Variants in RNF126 observed in about 807,000 individuals in gnomAD.
RNF126 encodes ring finger protein 126.
RNF126 carries 20 observed loss-of-function variants against 41.9 expected under a neutral mutation model. The observed-to-expected ratio is 0.48, with a 90% CI of 0.34 to 0.69. The LOEUF (loss-of-function observed/expected upper bound fraction) is 0.69. Ranked by LOEUF, RNF126 falls within the 30% of genes least tolerant of loss-of-function variation. RNF126 has a pLI of 0.01. For synonymous variants in RNF126, 239 were observed against 202.9 expected (o/e 1.18, Z -1.51); for missense variants, 433 against 460.6 (o/e 0.94, Z 0.55).
chr19:656,305 G>A (rs1457477788), intron 1 of RNF126, among the ~76,000 whole-genome samples: 1 of 151,908 alleles, frequency 6.6e-6, no homozygotes, highest in African/African-American at 2.4e-5. Flanking sequence ...AGCCAAGATT[G>A]CAGCAACAGA....
At position 651,564 on chromosome 19, in the gene RNF126, G is replaced by T. The variant is rs571807936; in HGVS notation, c.443+47C>A. The T allele has an allele frequency of 2.3e-5, 32 of 1,380,232 alleles. No individual in the cohort carries two copies. In the African/African-American group the frequency reaches 4.1e-4, roughly 18 times the overall value. The allele number at this position is 1,380,232 out of a possible 1,614,324, so 85.5% of individuals were successfully genotyped here. A position where few individuals can be genotyped will look rare whatever the true frequency, so the allele number is the denominator to read the frequency against. ...CTGGATTCTAAGCGCCAGAACTTCC[G>T]ACCTCAAGGCGTGGGGCCCTCGCGG... On this transcript the variant is annotated intron_variant, in intron 4 of 8. Transcript: ENST00000292363.
intron 1 of RNF126, among the ~76,000 whole-genome samples, chr19:656,639 C>T (rs1600639474): frequency 6.6e-6 from 1 of 152,000 alleles, no homozygotes; most frequent in African/African-American, 2.4e-5. Flanking sequence ...CAGAGTGAGA[C>T]CGTGTCAGAA....
chr19:661,446 G>A (rs2030798148), intron 1 of RNF126: 1 of 152,294 alleles, frequency 6.6e-6, no homozygotes, highest in Non-Finnish European at 1.5e-5. Context: ...ACCCCTGGGA[G>A]ACAGAGGAGT....
rs367985115 is a variant in RNF126 at position 648,840 on chromosome 19, G to A, written c.670+42C>T. The A allele has an allele frequency of 2.0e-4, 242 of 1,189,412 alleles. 1 individual carries two copies. The highest frequency in any genetic ancestry group is 2.7e-4 in the Non-Finnish European group (231 of 865,352). The allele number at this position is 1,189,412 out of a possible 1,614,324, so 73.7% of individuals were successfully genotyped here. ...AAGTATGAGCCAGGCGTGGCGGCGG[G>A]TGCCTGTAATTCCCACTACTCGGGA... On this transcript the variant is annotated intron_variant, in intron 7 of 8. Transcript: ENST00000292363.
rs2285751 is a variant in RNF126, at chr19:651,852, C to G, written c.202G>C (p.Val68Leu). 6.2e-7 allele frequency: 1 copy of G among 1,606,330 alleles called. No individual in the cohort carries two copies. The highest frequency in any genetic ancestry group is 1.7e-5 in the Admixed American group (1 of 59,754). ...GGCAGCGTGAACAGGTGCTGGTCCA[C>G]GTGCTGGGGAGAGGAGGGGGGCGTG... is the stretch of plus-strand genomic sequence containing the variant. ...TDQSRPPLEH[V>L]DQHLFTLPQG... Residue 68 changes from valine to leucine, a missense_variant, in exon 4 of 9, where the codon GTG (valine) becomes CTG (leucine). Coordinates refer to ENST00000292363, the MANE Select transcript of RNF126 (RefSeq NM_194460.3).
chr19:653,079 C>T (rs1219375940), intron 1 of RNF126, among the ~76,000 whole-genome samples, 195 bp from the exon 2 acceptor site: 1 of 152,166 alleles, frequency 6.6e-6, no homozygotes, highest in African/African-American at 2.4e-5. Context: ...CCCGCTGACC[C>T]TTTGGTGGCT....
In RNF126 at chr19:659,328, C is replaced by A. The variant is rs3787006; in HGVS notation, c.75+3719G>T. On this transcript the variant is annotated intron_variant, in intron 1 of 8. Transcript: ENST00000292363. This position sits in a 1 kb window ranked among gnomAD's most constrained non-coding sequence, Gnocchi z 4.9. The stretch of plus-strand genomic sequence containing the variant: ...ATCAGTGACACTGGCCGTAGCAGCC[C>A]TCACTTCCTGGTGGCTCCCCGCCCA... Among the ~76,000 whole-genome samples the A allele has an allele frequency of 3.4e-3, 522 of 152,314 alleles. 10 individuals carry two copies. In the East Asian group the frequency reaches 0.05, roughly 15 times the overall value.
rs557487881 is a variant in RNF126 at position 653,446 on chromosome 19, G to A, written c.76-562C>T. Among the ~76,000 whole-genome samples, 46 of 152,354 alleles carry A rather than the reference G, an allele frequency of 3.0e-4. 1 individual carries two copies. In the South Asian group the frequency reaches 5.4e-3, roughly 18 times the overall value. On this transcript the variant is annotated intron_variant, in intron 1 of 8. Coordinates refer to ENST00000292363, the MANE Select transcript of RNF126 (RefSeq NM_194460.3). ...GTGAGGACCCTGCCCAGGGACAGCC[G>A]TGGGTGAGTCCCAAAACCACGTTCA...
chr19:652,491 A>C, intron 2 of RNF126, 195 bp from the exon 3 acceptor site: 1 of 599,414 alleles, frequency 1.7e-6, no homozygotes, highest in Non-Finnish European at 2.9e-6. Context: ...TTCTCGATAA[A>C]CCGGTGCAGA....
chr19:653,728 C>T (rs1270174412), intron 1 of RNF126, among the ~76,000 whole-genome samples: 6 of 152,174 alleles, frequency 3.9e-5, no homozygotes, highest in Non-Finnish European at 8.8e-5. Flanking sequence ...ACACACTTCC[C>T]GCACAGCCTG....
chr19:660,308 G>A (rs917640047), intron 1 of RNF126, among the ~76,000 whole-genome samples: 16 of 152,354 alleles, frequency 1.1e-4, no homozygotes, highest in Non-Finnish European at 1.8e-4. Flanking sequence ...CCAGCTGCGC[G>A]GGGCCTCAGC....
At position 663,162 on chromosome 19, in the gene RNF126, G is replaced by T; in HGVS notation, c.-41C>A. ...CTCCGCGCCGCCCGCCCCCCGCGCGGCACCCGCCGCCGGCCGTTTGCTGCT... is the reference window on the plus strand; with the variant it reads ...CTCCGCGCCGCCCGCCCCCCGCGCGTCACCCGCCGCCGGCCGTTTGCTGCT... On this transcript the variant is annotated 5_prime_UTR_variant, in exon 1 of 9. Transcript: ENST00000292363. The T allele has an allele frequency of 9.6e-7, 1 of 1,038,050 alleles. No individual in the cohort carries two copies. Among genetic ancestry groups the T allele is most frequent in the Non-Finnish European group, 1.2e-6 (1 of 833,634 alleles). 64.3% of individuals were successfully genotyped at this position (1,038,050 alleles called of 1,614,324 possible). A position where few individuals can be genotyped will look rare whatever the true frequency, so the allele number is the denominator to read the frequency against.
At chr19:649,569 T>TC (rs2030170456) in intron 6 of RNF126, 110 bp downstream of exon 6, 9 of 827,862 alleles carry the variant, frequency 1.1e-5, no homozygotes, top group Non-Finnish European at 1.7e-5. Context: ...TGTGCCCGCA[T>TC]CCCCTTTGAC....
intron 1 of RNF126, among the ~76,000 whole-genome samples, chr19:657,260 C>T (rs1445816672): frequency 6.6e-6 from 1 of 152,224 alleles, no homozygotes; most frequent in Non-Finnish European, 1.5e-5. Flanking sequence ...CGTGGCCTGG[C>T]ACAGCGCTCG....
chr19:656,386 G>A (rs908800090), intron 1 of RNF126, among the ~76,000 whole-genome samples: 9 of 152,090 alleles, frequency 5.9e-5, no homozygotes, highest in Non-Finnish European at 1.2e-4. Context: ...GGGCACAGTG[G>A]CTCACACCTG....
At chr19:657,657 T>C (rs956210582) in intron 1 of RNF126, among the ~76,000 whole-genome samples, 1 of 152,166 alleles carries the variant, frequency 6.6e-6, no homozygotes, top group South Asian at 2.1e-4. Flanking sequence ...CTCACTCATA[T>C]CTGAAATCCG....
chr19:656,080 TTTTTGCAGCTGTGAGAATGCTGTGGAA>T (rs2030551896), intron 1 of RNF126, among the ~76,000 whole-genome samples: 1 of 152,050 alleles, frequency 6.6e-6, no homozygotes, highest in Non-Finnish European at 1.5e-5. Context: ...AGGTGGGTTC[TTTTTGCAGCTGTGAGAATGCTGTGGAA>T]TTAGACTGTG....
chr19:653,372 T>A (rs2030415289), intron 1 of RNF126, among the ~76,000 whole-genome samples: 1 of 152,104 alleles, frequency 6.6e-6, no homozygotes, highest in Admixed American at 6.5e-5. Flanking sequence ...CAGGTCCCCC[T>A]AGAGCCAAGG....
In RNF126 at chr19:652,809, A is replaced by G; in HGVS notation, c.134+17T>C. 1.2e-6 allele frequency: 2 copies of G among 1,611,626 alleles called. No individual in the cohort carries two copies. Among genetic ancestry groups the G allele is most frequent in the Non-Finnish European group, 1.7e-6 (2 of 1,178,798 alleles). ...CCGGCTGGCTCTTCCAGCCTCTTCAACAGGGGGCTGCATTACCTGGTCTCT... is the reference window on the plus strand; with the variant it reads ...CCGGCTGGCTCTTCCAGCCTCTTCAGCAGGGGGCTGCATTACCTGGTCTCT... On this transcript the variant is annotated intron_variant, in intron 2 of 8. Transcript: ENST00000292363.
Sources: gnomAD v4.1 joint callset for allele counts (sites outside exome capture counted in the v4.1 genomes callset) on GRCh38, gnomAD v4.1.1 for gene constraint, Gnocchi (gnomAD v3.1) non-coding constraint, MANE v1.5 for transcripts, NCBI Gene and HGNC (gene_info 2026-07-23, HGNC 2026-07-21) for gene names.